The following RPRD2 variants were observed in gnomAD, a reference collection of about 807,000 sequenced individuals.
The protein encoded by RPRD2 is regulation of nuclear pre-mRNA domain containing 2, also known as regulation of nuclear pre-mRNA domain-containing protein 2.
Under a neutral mutation model 104.4 loss-of-function variants are expected in RPRD2, and 12 were observed. The observed-to-expected ratio is 0.11, with a 90% CI of 0.07 to 0.19. RPRD2 has a LOEUF of 0.19. RPRD2 is among the 10% of genes least tolerant of loss of function. The pLI is 1.00. For synonymous variants in RPRD2, 714 were observed against 684.9 expected (o/e 1.04, Z -0.66); for missense variants, 1,543 against 1,790.1 (o/e 0.86, Z 2.49).
chr1:150,416,731 G>A (rs1198508497), intron 1 of RPRD2, among the ~76,000 whole-genome samples: 1 of 151,858 alleles, frequency 6.6e-6, no homozygotes. Context: ...AATTAGCTGG[G>A]CGTGGTAGTG....
intron 2 of RPRD2, among the ~76,000 whole-genome samples, chr1:150,419,324 C>T (rs1371344979): frequency 6.6e-6 from 1 of 152,036 alleles, no homozygotes; most frequent in African/African-American, 2.4e-5. Flanking sequence ...ATCATTGACC[C>T]ATTTGTTAGT....
chr1:150,430,946 C>T (rs958543223), intron 2 of RPRD2, among the ~76,000 whole-genome samples: 4 of 151,062 alleles, frequency 2.6e-5, no homozygotes, highest in Non-Finnish European at 4.4e-5. Flanking sequence ...AAAGATAACA[C>T]GGGCTGAGAA....
Position 150,473,041 on chromosome 1 carries a change from G to A in RPRD2, c.4093G>A (p.Val1365Ile), listed in dbSNP as rs1668703813. ...RDLNGPGLSR[V>I]RESLTLPSHS... ...CCTCAACGGCCCTGGCCTTAGCCGTGTACGAGAGAGCCTCACCCTACCCTC... is the reference window on the plus strand; with the variant it reads ...CCTCAACGGCCCTGGCCTTAGCCGTATACGAGAGAGCCTCACCCTACCCTC... Residue 1365 changes from valine to isoleucine, a missense_variant, in exon 11 of 11, where the codon GTA becomes ATA. Val to Ile is a conservative substitution (Grantham distance 29). Coordinates refer to ENST00000369068, the MANE Select transcript of RPRD2 (RefSeq NM_015203.5). The A allele has an allele frequency of 4.3e-6, 7 of 1,613,902 alleles. No individual in the cohort carries two copies. Among genetic ancestry groups the A allele is most frequent in the East Asian group, 2.2e-5 (1 of 44,898 alleles).
intron 2 of RPRD2, among the ~76,000 whole-genome samples, chr1:150,433,606 A>G (rs980460832): frequency 4.0e-5 from 6 of 149,098 alleles, no homozygotes; most frequent in Non-Finnish European, 8.9e-5. Context: ...CACAACGCCC[A>G]GCTAATTTTT....
intron 2 of RPRD2, among the ~76,000 whole-genome samples, chr1:150,440,173 C>T (rs1666317850): frequency 6.6e-6 from 1 of 152,104 alleles, no homozygotes. Context: ...CTTAAACTTC[C>T]AAGCTCAAGT....
intron 2 of RPRD2, among the ~76,000 whole-genome samples, chr1:150,427,547 C>T (rs1665236723): frequency 6.6e-6 from 1 of 151,920 alleles, no homozygotes; most frequent in Non-Finnish European, 1.5e-5. Flanking sequence ...ACTTGTAATC[C>T]CAATACATTG....
At chr1:150,412,055 G>A (rs147420881) in intron 1 of RPRD2, among the ~76,000 whole-genome samples, 3 of 152,216 alleles carry the variant, frequency 2.0e-5, no homozygotes, top group Non-Finnish European at 4.4e-5. Context: ...CCTGTGAGGC[G>A]AAGGTTGCAG....
intron 1 of RPRD2, among the ~76,000 whole-genome samples, chr1:150,378,871 C>A (rs587671293): frequency 6.7e-6 from 1 of 150,342 alleles, no homozygotes; most frequent in South Asian, 2.1e-4. Context: ...TAATCCCAAC[C>A]ACTTGGGAGG....
intron 1 of RPRD2, among the ~76,000 whole-genome samples, chr1:150,398,576 C>T (rs1215182794): frequency 6.6e-6 from 1 of 151,536 alleles, no homozygotes; most frequent in Non-Finnish European, 1.5e-5. Flanking sequence ...CAGAGTCTCA[C>T]TCTGTCACCC....
chr1:150,401,896 G>T (rs1663050346), intron 1 of RPRD2, among the ~76,000 whole-genome samples: 2 of 151,648 alleles, frequency 1.3e-5, no homozygotes, highest in Admixed American at 6.6e-5. Flanking sequence ...GCCTGCCTTG[G>T]CCTCCCAAAG....
intron 2 of RPRD2, among the ~76,000 whole-genome samples, chr1:150,431,354 T>C (rs782022464): frequency 3.3e-5 from 5 of 151,936 alleles, no homozygotes; most frequent in Non-Finnish European, 7.4e-5. Flanking sequence ...GGCATGTTCA[T>C]AGCAGCATTA....
intron 9 of RPRD2, among the ~76,000 whole-genome samples, chr1:150,460,534 C>T (rs1298044049): frequency 2.6e-5 from 4 of 151,942 alleles, no homozygotes; most frequent in Non-Finnish European, 5.9e-5. Flanking sequence ...TCCCAAGTAG[C>T]TGGGATTACA....
At chr1:150,448,961 C>G (rs1666979414) in intron 7 of RPRD2, among the ~76,000 whole-genome samples, 1 of 152,068 alleles carries the variant, frequency 6.6e-6, no homozygotes, top group Non-Finnish European at 1.5e-5. Flanking sequence ...TTTTGTCTGA[C>G]CTTATATTTA....
intron 7 of RPRD2, among the ~76,000 whole-genome samples, chr1:150,450,019 C>T (rs931782548): frequency 1.3e-5 from 2 of 152,030 alleles, no homozygotes; most frequent in African/African-American, 2.4e-5. Flanking sequence ...TTCATTAATA[C>T]TTTATTCTGT....
At chr1:150,446,959 G>T (rs587642305) in intron 7 of RPRD2, among the ~76,000 whole-genome samples, 1 of 148,266 alleles carries the variant, frequency 6.7e-6, no homozygotes. Flanking sequence ...CCTTAGCCCC[G>T]CTGAGTAGCT....
intron 1 of RPRD2, among the ~76,000 whole-genome samples, chr1:150,372,039 T>C (rs1660347760): frequency 6.6e-6 from 1 of 152,200 alleles, no homozygotes; most frequent in Non-Finnish European, 1.5e-5. Context: ...AGCTATCGTC[T>C]AGGTAAAAAC....
At position 150,473,182 on chromosome 1, in the gene RPRD2, A is replaced by G. The variant is rs1042364078; in HGVS notation, c.4234A>G (p.Ile1412Val). 5 of 1,613,992 alleles carry G rather than the reference A, an allele frequency of 3.1e-6. No homozygotes were observed. Among genetic ancestry groups the G allele is most frequent in the African/African-American group, 2.7e-5 (2 of 75,056 alleles). The change falls in exon 11 of 11, where the codon ATA becomes GTA. Residue 1412 changes from isoleucine to valine, a missense_variant. By Grantham distance (29) the Ile-to-Val change is conservative. Around this residue, in one of 4 missense-constraint regions of RPRD2, gnomAD observed 880 missense variants for 885.6 expected, o/e 0.99. Coordinates refer to ENST00000369068, the MANE Select transcript of RPRD2 (RefSeq NM_015203.5). ...CAGAGACACCATCAGCCGGAGTGGTATAATCTTACGGAGTCCCCGGCCAGA... is the reference window on the plus strand; with the variant it reads ...CAGAGACACCATCAGCCGGAGTGGTGTAATCTTACGGAGTCCCCGGCCAGA... ...SHRDTISRSGIILRSPRPDFR... is the reference protein window; with the variant it reads ...SHRDTISRSGVILRSPRPDFR...
intron 2 of RPRD2, among the ~76,000 whole-genome samples, chr1:150,432,511 A>C (rs1234528953): frequency 6.6e-6 from 1 of 152,020 alleles, no homozygotes; most frequent in Non-Finnish European, 1.5e-5. Context: ...AAAATTTTGG[A>C]AATAGTAGTG....
intron 2 of RPRD2, among the ~76,000 whole-genome samples, chr1:150,438,222 G>A (rs1666149099): frequency 6.6e-6 from 1 of 152,118 alleles, no homozygotes; most frequent in South Asian, 2.1e-4. Context: ...CTTGGGAGGC[G>A]GAGGTTGCAG....
Sources: gnomAD v4.1 joint callset for allele counts (sites outside exome capture counted in the v4.1 genomes callset) on GRCh38, gnomAD v4.1.1 for gene constraint, gnomAD v4.1.1 regional missense constraint, MANE v1.5 for transcripts, NCBI Gene and HGNC (gene_info 2026-07-23, HGNC 2026-07-21) for gene names.